The following DGKG variants were observed in gnomAD, a reference collection of about 807,000 sequenced individuals.
The protein encoded by DGKG is diacylglycerol kinase gamma.
DGKG carries 78 observed loss-of-function variants against 105.3 expected under a neutral mutation model. The ratio of observed to expected loss-of-function variants is 0.74; its 90% CI spans 0.62 to 0.89. The LOEUF is 0.89. Ranked by LOEUF, DGKG falls within the 40% of genes least tolerant of loss-of-function variation. The probability of loss-of-function intolerance (pLI) is 0.00; values close to 1 mark genes in which losing one functional copy is unlikely to be tolerated. For missense variants in DGKG, 958 were observed against 1,020.1 expected (o/e 0.94, Z 0.83); for synonymous variants, 346 against 367.1 (o/e 0.94, Z 0.66).
chr3:186,325,245 G>C (rs1469359353), intron 1 of DGKG, among the ~76,000 whole-genome samples: 1 of 152,124 alleles, frequency 6.6e-6, no homozygotes, highest in Non-Finnish European at 1.5e-5. Context: ...ACTAGAGGGG[G>C]CAGGGGGAAG....
intron 22 of DGKG, among the ~76,000 whole-genome samples, chr3:186,165,665 C>A (rs1195857495): frequency 6.6e-6 from 1 of 152,204 alleles, no homozygotes; most frequent in Admixed American, 6.5e-5. Flanking sequence ...GTAGGAGGCT[C>A]AGGCTCAGAG....
chr3:186,194,528 T>G (rs1718079409), intron 21 of DGKG, among the ~76,000 whole-genome samples: 1 of 152,160 alleles, frequency 6.6e-6, no homozygotes, highest in Non-Finnish European at 1.5e-5. Flanking sequence ...CCTGTTTCAG[T>G]TTTTAGCAAC....
chr3:186,235,232 TATAA>T (rs1480611455), intron 20 of DGKG, among the ~76,000 whole-genome samples: 2 of 152,266 alleles, frequency 1.3e-5, no homozygotes, highest in African/African-American at 4.8e-5. Flanking sequence ...TGTATTTCTT[TATAA>T]ATACCTACAG....
intron 3 of DGKG, among the ~76,000 whole-genome samples, chr3:186,304,696 C>T (rs1282045891): frequency 6.6e-6 from 1 of 152,184 alleles, no homozygotes; most frequent in East Asian, 1.9e-4. Context: ...AGAATGTTAG[C>T]CACTTTGCAA....
chr3:186,275,620 G>A lies in DGKG; in HGVS notation c.837C>T (p.Phe279=). 6.2e-7 allele frequency: 1 copy of A among 1,614,244 alleles called. No individual in the cohort carries two copies. ...DGRHAWTMKH[F]KKPTYCNFCH... ...AGAAGTTGCAGTAGGTTGGTTTCTT[G>A]AAGTGCTTCATGGTCCAGGCGTGCC... The change falls in exon 10 of 25, where the codon TTC becomes TTT. Residue 279 remains phenylalanine, a synonymous_variant. Coordinates refer to ENST00000265022, the MANE Select transcript of DGKG (RefSeq NM_001346.3).
chr3:186,198,714 A>G (rs1211658730), intron 21 of DGKG, among the ~76,000 whole-genome samples: 1 of 152,256 alleles, frequency 6.6e-6, no homozygotes, highest in African/African-American at 2.4e-5. Context: ...GCTCTAGCAC[A>G]CTGCTGGCTG....
chr3:186,358,653 T>G (rs1267261088), intron 1 of DGKG, among the ~76,000 whole-genome samples: 4 of 152,040 alleles, frequency 2.6e-5, no homozygotes, highest in Non-Finnish European at 4.4e-5. Flanking sequence ...TTACTAGCCT[T>G]GATTTCTTTT....
chr3:186,260,445 G>A lies in DGKG; in HGVS notation c.1418C>T (p.Thr473Ile). The A allele has an allele frequency of 3.7e-6, 6 of 1,609,946 alleles. No individual in the cohort carries two copies. Among genetic ancestry groups the A allele is most frequent in the Non-Finnish European group, 5.1e-6 (6 of 1,176,188 alleles). ...QVFNLDNGGP[T>I]PGLNFFRDTP... ...AAGATTGTGATCTCCATACCCTGGA[G>A]TAGGCCCCCCATTGTCCAGGTTGAA... Residue 473 changes from threonine to isoleucine, a missense_variant, in exon 16 of 25, where the codon ACT (threonine) becomes ATT (isoleucine). Thr to Ile is a moderately conservative substitution (Grantham distance 89). Coordinates refer to ENST00000265022, the MANE Select transcript of DGKG (RefSeq NM_001346.3).
At chr3:186,354,466 C>G (rs1198092252) in intron 1 of DGKG, among the ~76,000 whole-genome samples, 1 of 152,176 alleles carries the variant, frequency 6.6e-6, no homozygotes, top group Non-Finnish European at 1.5e-5. Flanking sequence ...AAACTTCCAA[C>G]GCAAAACACA....
chr3:186,307,190 A>G (rs1019738618), intron 2 of DGKG, among the ~76,000 whole-genome samples: 3 of 152,102 alleles, frequency 2.0e-5, no homozygotes, highest in African/African-American at 7.2e-5. Context: ...CTGAAACACA[A>G]ATCTGATCAG....
intron 1 of DGKG, among the ~76,000 whole-genome samples, chr3:186,338,119 A>G (rs1239550292): frequency 6.6e-6 from 1 of 151,254 alleles, no homozygotes; most frequent in Non-Finnish European, 1.5e-5. Context: ...GTAGTGAGCC[A>G]AGAACGAGCC....
At chr3:186,186,096 C>CAAAA (rs3049465) in intron 22 of DGKG, among the ~76,000 whole-genome samples, 1,720 of 74,562 alleles carry the variant, frequency 0.023, 62 homozygotes, top group Middle Eastern at 0.069. Context: ...GACTCTGCCT[C>CAAAA]AAAAAAAAAA....
At chr3:186,315,393 C>T (rs1483728791) in intron 2 of DGKG, among the ~76,000 whole-genome samples, 2 of 152,178 alleles carry the variant, frequency 1.3e-5, no homozygotes, top group East Asian at 3.8e-4. Flanking sequence ...CTTTCCCTTC[C>T]CTTCTCCAAC....
chr3:186,161,466 G>T, intron 24 of DGKG, 137 bp downstream of exon 24: 1 of 1,476,108 alleles, frequency 6.8e-7, no homozygotes, highest in South Asian at 1.4e-5. Flanking sequence ...GGATAATAAA[G>T]TGGAAGAGGG....
intron 1 of DGKG, among the ~76,000 whole-genome samples, chr3:186,341,452 A>T (rs1383582839): frequency 3.9e-5 from 6 of 152,222 alleles, no homozygotes; most frequent in African/African-American, 1.4e-4. Context: ...TTCAAGACCA[A>T]CCTGGGCAAT....
At chr3:186,278,810 T>C (rs1361519286) in intron 9 of DGKG, among the ~76,000 whole-genome samples, 2 of 152,184 alleles carry the variant, frequency 1.3e-5, no homozygotes, top group East Asian at 3.8e-4. Flanking sequence ...TTCCTCTCTA[T>C]GGAATAGTCT....
At chr3:186,358,095 AG>A (rs1560172200) in intron 1 of DGKG, among the ~76,000 whole-genome samples, 1 of 152,262 alleles carries the variant, frequency 6.6e-6, no homozygotes, top group Non-Finnish European at 1.5e-5. Flanking sequence ...ATGCACGTAA[AG>A]CATCCAGTAC....
At chr3:186,308,656 T>A (rs60339006) in intron 2 of DGKG, among the ~76,000 whole-genome samples, 1,643 of 152,266 alleles carry the variant, frequency 0.011, 34 homozygotes, top group African/African-American at 0.038. Context: ...TTCTGTTGCC[T>A]AAAAATGGAA....
rs1725032715 is a variant in DGKG at position 186,320,613 on chromosome 3, A to G, written c.-154T>C. The stretch of plus-strand genomic sequence containing the variant: ...GCACTCAAGTGTATACAGCAGCAGC[A>G]GGCACCTCTCAGAAGATGAGACAAG... On this transcript the variant is annotated 5_prime_UTR_variant, in exon 2 of 25. Transcript: ENST00000265022. 7.8e-7 allele frequency: 1 copy of G among 1,274,472 alleles called. No individual in the cohort carries two copies. Among genetic ancestry groups the G allele is most frequent in the East Asian group, 2.6e-5 (1 of 39,144 alleles). The allele number at this position is 1,274,472 out of a possible 1,614,324, so 78.9% of individuals were successfully genotyped here. A position where few individuals can be genotyped will look rare whatever the true frequency, so the allele number is the denominator to read the frequency against.
Sources: gnomAD v4.1 joint callset for allele counts (sites outside exome capture counted in the v4.1 genomes callset) on GRCh38, gnomAD v4.1.1 for gene constraint, MANE v1.5 for transcripts, NCBI Gene and HGNC (gene_info 2026-07-23, HGNC 2026-07-21) for gene names.